The following STAG1 variants were observed in gnomAD, a reference collection of about 807,000 sequenced individuals.
STAG1 encodes cohesin subunit SA-1.
A neutral mutation model predicts 170.9 loss-of-function variants in STAG1; 26 were observed. That is an observed-to-expected ratio of 0.15 (90% CI 0.11 to 0.21). The LOEUF is 0.21. Among genes scored for constraint, STAG1 ranks in the 10% least tolerant of loss-of-function variants. The pLI is 1.00. For missense variants in STAG1, 964 were observed against 1,509.5 expected, an observed-to-expected ratio of 0.64 and a Z score of 5.99; for synonymous variants, 514 against 497.7, an observed-to-expected ratio of 1.03 and a Z score of -0.44.
At chr3:136,586,120 C>T (rs1420481381) in intron 4 of STAG1, among the ~76,000 whole-genome samples, 2 of 152,134 alleles carry the variant, frequency 1.3e-5, no homozygotes, top group African/African-American at 4.8e-5. Flanking sequence ...ATAGAAAGTC[C>T]ACCATATTTC....
intron 23 of STAG1, among the ~76,000 whole-genome samples, chr3:136,373,181 G>C (rs182346809): frequency 1.3e-5 from 2 of 152,142 alleles, no homozygotes; most frequent in Non-Finnish European, 2.9e-5. Flanking sequence ...ATTTCTGTAG[G>C]ATCGGTGGTG....
chr3:136,533,199 A>G (rs980520852), intron 6 of STAG1, among the ~76,000 whole-genome samples: 7 of 152,144 alleles, frequency 4.6e-5, no homozygotes, highest in African/African-American at 1.7e-4. Context: ...AAAGCTAACT[A>G]AAGTGAAGGA....
intron 15 of STAG1, among the ~76,000 whole-genome samples, chr3:136,441,030 CTTTTTTTT>C (rs68155305): frequency 0.019 from 1,554 of 81,978 alleles, 17 homozygotes; most frequent in Middle Eastern, 0.029. Context: ...ACCATCTTTC[CTTTTTTTT>C]TTTTTTTTTT....
At chr3:136,714,966 TTATATATATA>T in intron 1 of STAG1, among the ~76,000 whole-genome samples, 1 of 102,462 alleles carries the variant, frequency 9.8e-6, no homozygotes, top group African/African-American at 3.3e-5. Flanking sequence ...TATATATATT[TTATATATATA>T]TTTTTATATA....
At chr3:136,485,041 G>A (rs369921995) in intron 9 of STAG1, among the ~76,000 whole-genome samples, 1 of 152,204 alleles carries the variant, frequency 6.6e-6, no homozygotes, top group East Asian at 1.9e-4. Context: ...CGTCTTCTGC[G>A]TCGCTCACGC....
At chr3:136,386,654 A>G (rs1321668140) in intron 22 of STAG1, among the ~76,000 whole-genome samples, 1 of 152,148 alleles carries the variant, frequency 6.6e-6, no homozygotes, top group Non-Finnish European at 1.5e-5. Flanking sequence ...TTCTTCCACA[A>G]TAGTAGCAAG....
At chr3:136,447,202 T>A (rs1279724369) in intron 14 of STAG1, among the ~76,000 whole-genome samples, 1 of 150,750 alleles carries the variant, frequency 6.6e-6, no homozygotes, top group African/African-American at 2.4e-5. Flanking sequence ...GAAGGGTGAC[T>A]GGCTGGGCGT....
intron 1 of STAG1, among the ~76,000 whole-genome samples, chr3:136,635,929 A>G (rs898766782): frequency 6.6e-6 from 1 of 152,230 alleles, no homozygotes; most frequent in African/African-American, 2.4e-5. Context: ...GAATCTATAT[A>G]AGAAAAACAA....
chr3:136,418,091 C>A (rs572842209), intron 20 of STAG1, 119 bp from the exon 21 acceptor site: 21 of 764,460 alleles, frequency 2.7e-5, no homozygotes, highest in Middle Eastern at 3.7e-4. Context: ...CACTGGCTCA[C>A]GCCTGTAATC....
At chr3:136,498,501 C>T (rs1487348357) in intron 9 of STAG1, among the ~76,000 whole-genome samples, 1 of 150,716 alleles carries the variant, frequency 6.6e-6, no homozygotes, top group East Asian at 2.0e-4. Flanking sequence ...GGTAGAACAA[C>T]AGGAAGGGAG....
chr3:136,568,381 C>T (rs747058893), intron 5 of STAG1, among the ~76,000 whole-genome samples: 5 of 151,964 alleles, frequency 3.3e-5, no homozygotes, highest in Admixed American at 1.3e-4. Flanking sequence ...AAAATGAGTA[C>T]GAAATACTGG....
intron 13 of STAG1, 80 bp from the exon 14 acceptor site, chr3:136,452,227 G>C (rs2088964444): frequency 5.8e-6 from 5 of 862,128 alleles, no homozygotes; most frequent in Non-Finnish European, 9.7e-6. Flanking sequence ...TCATTTCAGT[G>C]TTTAACAACA....
chr3:136,467,743 G>A (rs1335823350), intron 12 of STAG1, among the ~76,000 whole-genome samples: 1 of 152,060 alleles, frequency 6.6e-6, no homozygotes, highest in Admixed American at 6.6e-5. Flanking sequence ...TTCCAAAATT[G>A]ACCACATAGT....
At chr3:136,717,200 C>A (rs138635987) in intron 1 of STAG1, among the ~76,000 whole-genome samples, 10 of 152,312 alleles carry the variant, frequency 6.6e-5, no homozygotes, top group South Asian at 2.1e-4. Context: ...TTAACCTTCT[C>A]ATTATCTTAT....
intron 1 of STAG1, among the ~76,000 whole-genome samples, chr3:136,715,736 A>G (rs1332070737): frequency 6.6e-6 from 1 of 152,190 alleles, no homozygotes; most frequent in Non-Finnish European, 1.5e-5. Flanking sequence ...AATGGGAAAA[A>G]CCTACCAGAC....
chr3:136,462,657 T>A (rs2089307293), intron 13 of STAG1, among the ~76,000 whole-genome samples: 1 of 152,162 alleles, frequency 6.6e-6, no homozygotes, highest in Non-Finnish European at 1.5e-5. Flanking sequence ...AAATATTTAT[T>A]AATAGAAGAT....
intron 4 of STAG1, among the ~76,000 whole-genome samples, chr3:136,600,884 TGTTTTGTTTTGTTTTGTTTTGTTTG>T (rs1288179435): frequency 6.9e-4 from 101 of 146,020 alleles, no homozygotes; most frequent in Non-Finnish European, 1.4e-3. Context: ...TGTTTTGTTT[TGTTTTGTTTTGTTTTGTTTTGTTTG>T]AGAAGAAGTC....
intron 1 of STAG1, among the ~76,000 whole-genome samples, chr3:136,706,136 G>A (rs111364929): frequency 4.6e-5 from 7 of 152,216 alleles, no homozygotes; most frequent in African/African-American, 1.4e-4. Context: ...GTGATAAGAT[G>A]CATTTATGAA....
intron 1 of STAG1, among the ~76,000 whole-genome samples, chr3:136,632,172 A>G (rs1940357290): frequency 6.6e-6 from 1 of 152,242 alleles, no homozygotes. Context: ...AATCTTTCAA[A>G]AAAATGAAAG....
Sources: gnomAD v4.1 joint callset for allele counts (sites outside exome capture counted in the v4.1 genomes callset) on GRCh38, gnomAD v4.1.1 for gene constraint, MANE v1.5 for transcripts, NCBI Gene and HGNC (gene_info 2026-07-23, HGNC 2026-07-21) for gene names.